Variants in MAN1B1 observed in about 807,000 individuals in gnomAD.
MAN1B1 encodes the protein mannosidase alpha class 1B member 1.
MAN1B1 carries 66 observed loss-of-function variants against 75.5 expected under a neutral mutation model. The observed-to-expected ratio is 0.87, with a 90% CI of 0.72 to 1.07. The LOEUF is 1.07. Ranked by LOEUF, MAN1B1 falls within the 50% of genes least tolerant of loss-of-function variation. The pLI, the probability that MAN1B1 is intolerant of heterozygous loss-of-function variation, is 0.00. For synonymous variants in MAN1B1, 453 were observed against 382.8 expected, an observed-to-expected ratio of 1.18 and a Z score of -2.14; for missense variants, 973 against 912.5, an observed-to-expected ratio of 1.07 and a Z score of -0.85.
At chr9:137,088,482 T>G (rs1157903258) in intron 2 of MAN1B1, 5 of 1,421,894 alleles carry the variant, frequency 3.5e-6, no homozygotes, top group Non-Finnish European at 4.8e-6. Context: ...CACACAAATT[T>G]CGTAGCACTC....
At chr9:137,090,050 G>T (rs1459171850) in intron 3 of MAN1B1, among the ~76,000 whole-genome samples, 1 of 152,142 alleles carries the variant, frequency 6.6e-6, no homozygotes, top group East Asian at 1.9e-4. Context: ...AGGCTGAGAA[G>T]ATTGGGGTCA....
At position 137,107,534 on chromosome 9, in the gene MAN1B1, G is replaced by A; in HGVS notation, c.1768G>A (p.Ala590Thr). 6.2e-7 allele frequency: 1 copy of A among 1,612,970 alleles called. No individual in the cohort carries two copies. Among genetic ancestry groups the A allele is most frequent in the Non-Finnish European group, 8.5e-7 (1 of 1,179,988 alleles). ...PGRRDVEVKP[A>T]DRHNLLRPET... ...CTGAGCTCTGCTCCGCCCACAGCCA[G>A]CAGACAGGCACAACCTGCTGCGGCC... The change falls in exon 12 of 13, where the codon GCA (alanine) becomes ACA (threonine). Residue 590 changes from alanine to threonine, a missense_variant. By Grantham distance (58) the Ala-to-Thr change is moderately conservative (BLOSUM62 0). Coordinates refer to ENST00000371589, the MANE Select transcript of MAN1B1 (RefSeq NM_016219.5).
chr9:137,106,578 C>A, intron 9 of MAN1B1, 111 bp from the exon 10 acceptor site: 1 of 1,558,032 alleles, frequency 6.4e-7, no homozygotes, highest in Non-Finnish European at 8.8e-7. Flanking sequence ...TTCTGTCCGG[C>A]AAGGGCCAGG....
intron 9 of MAN1B1, 92 bp downstream of exon 9, chr9:137,106,407 CCTG>C (rs1831108886): frequency 3.3e-6 from 4 of 1,212,376 alleles, no homozygotes; most frequent in Non-Finnish European, 4.6e-6. Flanking sequence ...GGCCCCCGCT[CCTG>C]CTGCCCCCCG....
Position 137,096,347 on chromosome 9 carries a change from T to A in MAN1B1, c.576T>A (p.Pro192=), listed in dbSNP as rs201165192. ...QEEATKRQEA[P]VDPRPEGDPQ... is the part of the protein sequence containing the mutation. ...AGGCCACAAAAAGGCAAGAAGCCCC[T>A]GTGGATCCCCGCCCGGAAGGAGATC... Residue 192 remains proline (P), a synonymous_variant, in exon 4 of 13, where the codon CCT becomes CCA. Coordinates refer to ENST00000371589, the MANE Select transcript of MAN1B1 (RefSeq NM_016219.5). 1.2e-6 allele frequency: 2 copies of A among 1,613,992 alleles called. No homozygotes were observed. Among genetic ancestry groups the A allele is most frequent in the Admixed American group, 3.3e-5 (2 of 60,020 alleles).
intron 8 of MAN1B1, 66 bp downstream of exon 8, chr9:137,101,738 G>C (rs765036960): frequency 6.6e-7 from 1 of 1,517,278 alleles, no homozygotes; most frequent in East Asian, 2.4e-5. Flanking sequence ...ATCACAGCAG[G>C]TACTGTGTGT....
chr9:137,101,941 T>G, intron 8 of MAN1B1: 1 of 585,338 alleles, frequency 1.7e-6, no homozygotes, highest in Non-Finnish European at 3.2e-6. Flanking sequence ...ATTTGGGCTG[T>G]TGCAGGCGTA....
At chr9:137,097,035 G>A (rs1588593686) in intron 4 of MAN1B1, among the ~76,000 whole-genome samples, 1 of 152,246 alleles carries the variant, frequency 6.6e-6, no homozygotes, top group Admixed American at 6.5e-5. Flanking sequence ...GATGGGCTCC[G>A]AAGAAACGGG....
At position 137,101,966 on chromosome 9, in the gene MAN1B1, TACAC is replaced by T. The variant is rs112210322; in HGVS notation, c.1254+298_1254+301del. 1.5e-3 allele frequency: 806 copies of T among 554,012 alleles called. 6 individuals carry two copies. Among genetic ancestry groups the T allele is most frequent in the African/African-American group, 0.012 (607 of 49,862 alleles). 34.3% of individuals were successfully genotyped at this position (554,012 alleles called of 1,614,324 possible). ...TTGCAGGCGTACAGGTCAGTGGTGT[TACAC>T]ACATGCTGTTGCAGGAGTACAGGTC... is the stretch of plus-strand genomic sequence containing the variant. On this transcript the variant is annotated intron_variant, in intron 8 of 12. Coordinates refer to ENST00000371589, the MANE Select transcript of MAN1B1 (RefSeq NM_016219.5).
At position 137,087,189 on chromosome 9, in the gene MAN1B1, A is replaced by G; in HGVS notation, c.190A>G (p.Lys64Glu). Residue 64 changes from lysine to glutamate, a missense_variant, in exon 1 of 13, where the codon AAG (lysine) becomes GAG (glutamate). By Grantham distance (56) the Lys-to-Glu change is moderately conservative. Coordinates refer to ENST00000371589, the MANE Select transcript of MAN1B1 (RefSeq NM_016219.5). ...CTTTGGCGAGAACTATGACAACAGC[A>G]AGAGTTGGCGGCGGCGCTCGTGCTG... ...LSFGENYDNS[K>E]SWRRRSCWRK... 1 of 1,589,798 alleles carries G rather than the reference A, an allele frequency of 6.3e-7. No individual in the cohort carries two copies. The highest frequency in any genetic ancestry group is 8.6e-7 in the Non-Finnish European group (1 of 1,168,886).
intron 3 of MAN1B1, chr9:137,089,259 C>A: frequency 1.9e-6 from 1 of 522,830 alleles, no homozygotes; most frequent in East Asian, 3.6e-5. Flanking sequence ...GACCTGTTTC[C>A]TCTCAAGAGG....
At chr9:137,095,921 G>A (rs1830639086) in intron 3 of MAN1B1, among the ~76,000 whole-genome samples, 1 of 152,214 alleles carries the variant, frequency 6.6e-6, no homozygotes, top group Non-Finnish European at 1.5e-5. Context: ...GGGACCCAGA[G>A]GTGTTGCTGG....
intron 4 of MAN1B1, 28 bp downstream of exon 4, chr9:137,096,419 C>T (rs374380909): frequency 3.9e-5 from 63 of 1,610,484 alleles, no homozygotes; most frequent in Admixed American, 2.5e-4. Context: ...GGCTGCACGC[C>T]GCCGCTCAGG....
chr9:137,108,705 A>G lies in MAN1B1; in HGVS notation c.*114A>G, dbSNP rs1458271495. On this transcript the variant is annotated 3_prime_UTR_variant, in exon 13 of 13. Coordinates refer to ENST00000371589, the MANE Select transcript of MAN1B1 (RefSeq NM_016219.5). ...CAACCGCCAAGTGGCCCAGGCTCTG[A>G]ACTGGCTCTGGGCTCCTCCTCGTCT... 1 of 981,914 alleles carries G rather than the reference A, an allele frequency of 1.0e-6. No individual in the cohort carries two copies. Among genetic ancestry groups the G allele is most frequent in the Non-Finnish European group, 1.6e-6 (1 of 615,392 alleles). The allele number at this position is 981,914 out of a possible 1,614,324, so 60.8% of individuals were successfully genotyped here.
At chr9:137,089,028 G>A in intron 3 of MAN1B1, 23 bp downstream of exon 3, 2 of 1,613,750 alleles carry the variant, frequency 1.2e-6, no homozygotes, top group Non-Finnish European at 1.7e-6. Flanking sequence ...AATGGTGTGG[G>A]GTTATAACTG....
At chr9:137,100,808 TG>T (rs997751539) in intron 6 of MAN1B1, among the ~76,000 whole-genome samples, 196 bp from the exon 7 acceptor site, 12 of 152,124 alleles carry the variant, frequency 7.9e-5, no homozygotes, top group Non-Finnish European at 1.6e-4. Flanking sequence ...TTAGTAGAGA[TG>T]GGGTTTTCCC....
Position 137,087,186 on chromosome 9 carries a change from A to T in MAN1B1, c.187A>T (p.Ser63Cys). The T allele has an allele frequency of 1.3e-6, 2 of 1,590,818 alleles. No homozygotes were observed. Among genetic ancestry groups the T allele is most frequent in the Non-Finnish European group, 1.7e-6 (2 of 1,169,432 alleles). ...GAGCTTTGGCGAGAACTATGACAAC[A>T]GCAAGAGTTGGCGGCGGCGCTCGTG... ...TLSFGENYDN[S>C]KSWRRRSCWR... The change falls in exon 1 of 13, where the codon AGC (serine) becomes TGC (cysteine). Residue 63 changes from serine to cysteine, a missense_variant. By Grantham distance (112) the Ser-to-Cys change is moderately radical. Transcript: ENST00000371589.
chr9:137,101,639 G>A lies in MAN1B1; in HGVS notation c.1221G>A (p.Glu407=), dbSNP rs1195470159. 1 of 1,613,196 alleles carries A rather than the reference G, an allele frequency of 6.2e-7. No homozygotes were observed. The change falls in exon 8 of 13, where the codon GAG becomes GAA. Residue 407 remains glutamate (E), a synonymous_variant. Transcript: ENST00000371589. ...CCAGCATTCAGCTGGAGTTCCGGGAGCTCTCCCGTCTCACAGGGGATAAGA... is the reference window on the plus strand; with the variant it reads ...CCAGCATTCAGCTGGAGTTCCGGGAACTCTCCCGTCTCACAGGGGATAAGA... ...EVTSIQLEFR[E]LSRLTGDKKF...
chr9:137,091,273 A>G (rs1310858581), intron 3 of MAN1B1, among the ~76,000 whole-genome samples: 1 of 152,108 alleles, frequency 6.6e-6, no homozygotes, highest in Non-Finnish European at 1.5e-5. Flanking sequence ...ATGTGTTTCC[A>G]CCACTCACAA....
Sources: gnomAD v4.1 joint callset for allele counts (sites outside exome capture counted in the v4.1 genomes callset) on GRCh38, gnomAD v4.1.1 for gene constraint, MANE v1.5 for transcripts, NCBI Gene and HGNC (gene_info 2026-07-23, HGNC 2026-07-21) for gene names.